PDIA2: variants seen among roughly 807,000 people sequenced by gnomAD.
PDIA2 encodes protein disulfide isomerase family A member 2.
In PDIA2, 76 loss-of-function variants were observed where a neutral mutation model predicts 51.1. The observed-to-expected ratio is 1.49, with a 90% CI of 1.24 to 1.80. The LOEUF is 1.80. PDIA2 is among the 40% of genes most tolerant of loss of function. PDIA2 has a pLI of 0.00. For missense variants in PDIA2, 946 were observed against 706.5 expected (o/e 1.34, Z -3.84); for synonymous variants, 429 against 309.9 (o/e 1.38, Z -4.04).
Position 285,517 on chromosome 16 carries a change from G to A in PDIA2, c.933G>A (p.Val311=). 3.1e-6 allele frequency: 5 copies of A among 1,612,988 alleles called. No individual in the cohort carries two copies. The highest frequency in any genetic ancestry group is 4.2e-6 in the Non-Finnish European group (5 of 1,179,950). ...APRFRGQVLF[V]VVDVAADNEH... The stretch of plus-strand genomic sequence containing the variant: ...ACTCCCTGCCACAGGTGCTGTTCGT[G>A]GTGGTGGACGTGGCGGCCGACAATG... Residue 311 remains valine, a synonymous_variant, in exon 7 of 11, where the codon GTG becomes GTA. Coordinates refer to ENST00000219406, the MANE Select transcript of PDIA2 (RefSeq NM_006849.4).
rs1451995796 is a variant in PDIA2, at chr16:284,641, G to C, written c.407-18G>C. On this transcript the variant is annotated intron_variant, in intron 2 of 10. Coordinates refer to ENST00000219406, the MANE Select transcript of PDIA2 (RefSeq NM_006849.4). ...GGGGGGCGGTGGCCAGGCCGAGGCT[G>C]AGGGGGACTCCCTGCAGGACCACGG... The C allele has an allele frequency of 6.9e-6, 11 of 1,601,280 alleles. No homozygotes were observed. Among genetic ancestry groups the C allele is most frequent in the Non-Finnish European group, 9.3e-6 (11 of 1,177,602 alleles).
chr16:286,601 G>T lies in PDIA2; in HGVS notation c.1288G>T (p.Ala430Ser). 6.2e-7 allele frequency: 1 copy of T among 1,612,868 alleles called. No individual in the cohort carries two copies. The highest frequency in any genetic ancestry group is 8.5e-7 in the Non-Finnish European group (1 of 1,179,966). The change falls in exon 9 of 11, where the codon GCA becomes TCA. Residue 430 changes from alanine (A) to serine (S), a missense_variant. Physicochemically the swap from Ala to Ser is moderately conservative, Grantham distance 99. Coordinates refer to ENST00000219406, the MANE Select transcript of PDIA2 (RefSeq NM_006849.4). ...CAAGGAGATGGCCCCTGCCTGGGAGGCATTGGCTGAGAAGTACCAAGACCA... is the reference window on the plus strand; with the variant it reads ...CAAGGAGATGGCCCCTGCCTGGGAGTCATTGGCTGAGAAGTACCAAGACCA... ...HCKEMAPAWE[A>S]LAEKYQDHED... is the part of the protein sequence containing the mutation.
At position 286,739 on chromosome 16, in the gene PDIA2, T is replaced by G. The variant is rs919230890; in HGVS notation, c.1422+4T>G. The G allele has an allele frequency of 6.2e-7, 1 of 1,612,786 alleles. No homozygotes were observed. The highest frequency in any genetic ancestry group is 8.5e-7 in the Non-Finnish European group (1 of 1,179,928). ...CCCAGCAGGGCCAGGTCGGAAGGTA[T>G]GGCGGACAGGTGGCTGGGGAGGAAG... On this transcript the variant is annotated splice_donor_region_variant and intron_variant, in intron 9 of 10. Transcript: ENST00000219406.
intron 1 of PDIA2, among the ~76,000 whole-genome samples, chr16:283,760 G>T (rs114926267): frequency 1.3e-5 from 2 of 152,176 alleles, no homozygotes; most frequent in East Asian, 3.8e-4. Flanking sequence ...TGGTCTTTTC[G>T]CAACCCTTGA....
In PDIA2 at chr16:285,925, T is replaced by TCCCAACCCCAAC. The variant is rs371090480; in HGVS notation, c.1119+244_1119+255dup. On this transcript the variant is annotated intron_variant, in intron 7 of 10. Transcript: ENST00000219406. ...TCTCCCAACCCCAACCCCGCGGTTCTCCCAACCCCAACCCCAACCCCAACC... is the reference window on the plus strand; with the variant it reads ...TCTCCCAACCCCAACCCCGCGGTTCTCCCAACCCCAACCCCAACCCCAACCCCAACCCCAACC... 5.8e-3 allele frequency among the ~76,000 whole-genome samples: 135 copies of TCCCAACCCCAAC among 23,242 alleles called. 1 individual carries two copies. The highest frequency in any genetic ancestry group is 6.9e-3 in the Non-Finnish European group (91 of 13,158). 15.2% of individuals were successfully genotyped at this position (23,242 alleles called of 152,430 possible).
intron 7 of PDIA2, 144 bp downstream of exon 7, chr16:285,847 C>T (rs1285380535): frequency 3.4e-5 from 33 of 978,458 alleles, no homozygotes; most frequent in African/African-American, 1.2e-4. Context: ...TCTCCCAACC[C>T]GGCGGTTCTC....
intron 10 of PDIA2, 57 bp from the exon 11 acceptor site, chr16:287,012 C>A: frequency 6.2e-7 from 1 of 1,611,730 alleles, no homozygotes; most frequent in Non-Finnish European, 8.5e-7. Context: ...CTGGCAGGGG[C>A]GGGGGCAGGG....
rs1567252543 is a variant in PDIA2 at position 287,061 on chromosome 16, C to CTAG, written c.1534-7_1534-6insAGT. 3.7e-6 allele frequency: 6 copies of CTAG among 1,612,622 alleles called. No individual in the cohort carries two copies. Among genetic ancestry groups the CTAG allele is most frequent in the African/African-American group, 1.3e-5 (1 of 74,902 alleles). On this transcript the variant is annotated splice_region_variant and splice_polypyrimidine_tract_variant and intron_variant, in intron 10 of 10. Coordinates refer to ENST00000219406, the MANE Select transcript of PDIA2 (RefSeq NM_006849.4). The stretch of plus-strand genomic sequence containing the variant: ...AGAGCTTCGAGCTGCACTTGTGACC[C>CTAG]TTTCTAGGAGCCACCGGCCAACTCC...
rs757177392 is a variant in PDIA2, at chr16:284,481, C to T, written c.294C>T (p.Ala98=). The T allele has an allele frequency of 1.2e-5, 20 of 1,608,408 alleles. No individual in the cohort carries two copies. Among genetic ancestry groups the T allele is most frequent in the East Asian group, 2.2e-5 (1 of 44,720 alleles). ...CCGAGTCAATGGTGGTCACGCTGGC[C>T]AAGGTGGATGGGCCCGCGCAGCGCG... ...LAAESMVVTL[A]KVDGPAQREL... Residue 98 remains alanine (A), a synonymous_variant, in exon 2 of 11, where the codon GCC becomes GCT. Transcript: ENST00000219406.
rs400037 is a variant in PDIA2, at chr16:286,396, G to A, written c.1163G>A (p.Arg388Gln). 0.19 allele frequency: 313,315 copies of A among 1,610,242 alleles called. 33,108 individuals carry two copies. The highest frequency in any genetic ancestry group is 0.32 in the African/African-American group (23,795 of 73,772). The stretch of plus-strand genomic sequence containing the variant: ...GAGATACCCCCTGATTGGGATCAGC[G>A]GCCAGTTAAGACCCTCGTGGGCAAG... ...SQEIPPDWDQ[R>Q]PVKTLVGKNF... The change falls in exon 8 of 11, where the codon CGG becomes CAG. Residue 388 changes from arginine to glutamine, a missense_variant. Arg to Gln is a conservative substitution (Grantham distance 43). Coordinates refer to ENST00000219406, the MANE Select transcript of PDIA2 (RefSeq NM_006849.4).
chr16:286,614 A>T lies in PDIA2; in HGVS notation c.1301A>T (p.Lys434Met). ...CCTGCCTGGGAGGCATTGGCTGAGAAGTACCAAGACCACGAGGACATCATC... is the reference window on the plus strand; with the variant it reads ...CCTGCCTGGGAGGCATTGGCTGAGATGTACCAAGACCACGAGGACATCATC... ...MAPAWEALAE[K>M]YQDHEDIIIA... The change falls in exon 9 of 11, where the codon AAG (lysine) becomes ATG (methionine). Residue 434 changes from lysine (K) to methionine (M), a missense_variant. By Grantham distance (95) the Lys-to-Met change is moderately conservative. Coordinates refer to ENST00000219406, the MANE Select transcript of PDIA2 (RefSeq NM_006849.4). The T allele has an allele frequency of 6.2e-7, 1 of 1,612,858 alleles. No individual in the cohort carries two copies. The highest frequency in any genetic ancestry group is 8.5e-7 in the Non-Finnish European group (1 of 1,179,982).
At position 285,069 on chromosome 16, in the gene PDIA2, C is replaced by T. The variant is rs1283870188; in HGVS notation, c.679-15C>T. Reference sequence around the variant, plus strand: ...TCCGGCTGCAGCGCCCGCTAACCCACCTGCTGCTGTCCAGTTTGATGAGGG... The same window carrying T: ...TCCGGCTGCAGCGCCCGCTAACCCATCTGCTGCTGTCCAGTTTGATGAGGG... On this transcript the variant is annotated splice_polypyrimidine_tract_variant and intron_variant, in intron 4 of 10. Transcript: ENST00000219406. 1.2e-6 allele frequency: 2 copies of T among 1,613,042 alleles called. No homozygotes were observed. The highest frequency in any genetic ancestry group is 3.3e-5 in the Admixed American group (2 of 60,008).
chr16:283,227 T>G lies in PDIA2; in HGVS notation c.58T>G (p.Trp20Gly). The part of the protein sequence containing the change: ...LLLLLRASCP[W>G]GQEQGARSPS... ...GCTGCTGCTCAGGGCTTCGTGCCCA[T>G]GGGGTCAGGAACAGGGAGCGAGGAG... Residue 20 changes from tryptophan (W) to glycine (G), a missense_variant, in exon 1 of 11, where the codon TGG becomes GGG. Coordinates refer to ENST00000219406, the MANE Select transcript of PDIA2 (RefSeq NM_006849.4). 1 of 1,609,102 alleles carries G rather than the reference T, an allele frequency of 6.2e-7. No homozygotes were observed. Among genetic ancestry groups the G allele is most frequent in the Non-Finnish European group, 8.5e-7 (1 of 1,178,282 alleles).
In PDIA2 at chr16:286,651, G is replaced by A. The variant is rs764809382; in HGVS notation, c.1338G>A (p.Leu446=). ...ACGAGGACATCATCATTGCTGAGCTGGATGCCACGGCCAACGAGCTGGATG... is the reference window on the plus strand; with the variant it reads ...ACGAGGACATCATCATTGCTGAGCTAGATGCCACGGCCAACGAGCTGGATG... ...QDHEDIIIAE[L]DATANELDAF... The change falls in exon 9 of 11, where the codon CTG becomes CTA. Residue 446 remains leucine, a synonymous_variant. Transcript: ENST00000219406. The A allele has an allele frequency of 4.6e-5, 74 of 1,612,572 alleles. No homozygotes were observed. Among genetic ancestry groups the A allele is most frequent in the Non-Finnish European group, 6.1e-5 (72 of 1,179,782 alleles).
At chr16:285,888 CA>C (rs1188517244) in intron 7 of PDIA2, among the ~76,000 whole-genome samples, 185 bp downstream of exon 7, 27 of 122,836 alleles carry the variant, frequency 2.2e-4, no homozygotes, top group African/African-American at 6.6e-4. Flanking sequence ...CTCCCAACCC[CA>C]AACCCGCGGT....
At position 285,526 on chromosome 16, in the gene PDIA2, C is replaced by T. The variant is rs201390978; in HGVS notation, c.942C>T (p.Asp314=). 2.3e-4 allele frequency: 365 copies of T among 1,612,780 alleles called. 1 individual carries two copies. The highest frequency in any genetic ancestry group is 1.2e-3 in the Middle Eastern group (7 of 6,084). The change falls in exon 7 of 11, where the codon GAC becomes GAT. Residue 314 remains aspartate (D), a synonymous_variant. Coordinates refer to ENST00000219406, the MANE Select transcript of PDIA2 (RefSeq NM_006849.4). The part of the protein sequence containing the change: ...FRGQVLFVVV[D]VAADNEHVLQ... ...CACAGGTGCTGTTCGTGGTGGTGGA[C>T]GTGGCGGCCGACAATGAGCACGTGC...
In PDIA2 at chr16:285,644, CCT is replaced by C. The variant is rs1567250445; in HGVS notation, c.1061_1062del (p.Pro354ArgfsTer30). ...TKKYAPVDGG[P>X]VTAASITAFC... ...GAAGTATGCGCCTGTGGATGGGGGC[CCT>C]GTCACCGCAGCGTCCATCACTGCTT... On this transcript the variant is annotated frameshift_variant, in exon 7 of 11. Transcript: ENST00000219406. LOFTEE classifies it high-confidence loss of function. The C allele has an allele frequency of 1.2e-6, 2 of 1,613,292 alleles. No individual in the cohort carries two copies. The highest frequency in any genetic ancestry group is 2.2e-5 in the East Asian group (1 of 44,874).
rs764733366 is a variant in PDIA2, at chr16:285,503, C to T, written c.922-3C>T. ...CGGTGCCAGCATGGACTCCCTGCCACAGGTGCTGTTCGTGGTGGTGGACGT... is the reference window on the plus strand; with the variant it reads ...CGGTGCCAGCATGGACTCCCTGCCATAGGTGCTGTTCGTGGTGGTGGACGT... On this transcript the variant is annotated splice_polypyrimidine_tract_variant and splice_region_variant and intron_variant, in intron 6 of 10. Coordinates refer to ENST00000219406, the MANE Select transcript of PDIA2 (RefSeq NM_006849.4). 27 of 1,612,694 alleles carry T rather than the reference C, an allele frequency of 1.7e-5. No individual in the cohort carries two copies. In the East Asian group the frequency reaches 3.8e-4, roughly 23 times the overall value.
In PDIA2 at chr16:286,346, C is replaced by G. The variant is rs201024168; in HGVS notation, c.1120-7C>G. 3.0e-4 allele frequency: 444 copies of G among 1,496,040 alleles called. 1 individual carries two copies. The African/African-American group carries it at 6.1e-3, about 20-fold the overall frequency. 92.7% of individuals were successfully genotyped at this position (1,496,040 alleles called of 1,614,324 possible). A position where few individuals can be genotyped will look rare whatever the true frequency, so the allele number is the denominator to read the frequency against. ...CCTGGCAAAGCGCCTGTCCTGGTTT[C>G]CCCCAGCCCTATCTCCTGAGCCAGG... On this transcript the variant is annotated splice_polypyrimidine_tract_variant and splice_region_variant and intron_variant, in intron 7 of 10. Coordinates refer to ENST00000219406, the MANE Select transcript of PDIA2 (RefSeq NM_006849.4).
Sources: gnomAD v4.1 joint callset for allele counts (sites outside exome capture counted in the v4.1 genomes callset) on GRCh38, gnomAD v4.1.1 for gene constraint, MANE v1.5 for transcripts, NCBI Gene and HGNC (gene_info 2026-07-23, HGNC 2026-07-21) for gene names.